The following MAGI2 variants were observed in gnomAD, a reference collection of about 807,000 sequenced individuals.
The protein encoded by MAGI2 is membrane-associated guanylate kinase, WW and PDZ domain-containing protein 2.
MAGI2 carries 35 observed loss-of-function variants against 133.3 expected under a neutral mutation model. The ratio of observed to expected loss-of-function variants is 0.26; its 90% CI spans 0.20 to 0.35. The LOEUF (loss-of-function observed/expected upper bound fraction) is 0.35. Ranked by LOEUF, MAGI2 falls within the 10% of genes least tolerant of loss-of-function variation. The pLI is 1.00. For synonymous variants in MAGI2, 729 were observed against 710.6 expected (o/e 1.03, Z -0.41); for missense variants, 1,636 against 1,863.4 (o/e 0.88, Z 2.25).
chr7:79,411,037 G>A (rs1330742026), intron 1 of MAGI2: 2 of 152,070 alleles, frequency 1.3e-5, no homozygotes, highest in Non-Finnish European at 2.9e-5. Context: ...AGCGAGGTGA[G>A]GGGAAAGTAC....
intron 3 of MAGI2, among the ~76,000 whole-genome samples, chr7:78,544,834 C>CA (rs1318976121): frequency 3.3e-5 from 5 of 150,400 alleles, no homozygotes; most frequent in Non-Finnish European, 5.9e-5. Flanking sequence ...AACTCCATCT[C>CA]AAAAAAAATA....
intron 2 of MAGI2, among the ~76,000 whole-genome samples, chr7:78,802,872 C>A (rs192150951): frequency 3.2e-4 from 49 of 151,412 alleles, no homozygotes; most frequent in African/African-American, 9.2e-4. Context: ...TATCTCCATA[C>A]CTTCTGCTCA....
At chr7:78,177,980 C>T in intron 14 of MAGI2, 31 bp downstream of exon 14, 1 of 1,487,152 alleles carries the variant, frequency 6.7e-7, no homozygotes, top group Non-Finnish European at 9.4e-7. Flanking sequence ...AATACAGCCC[C>T]AAGCATGGAA....
intron 3 of MAGI2, among the ~76,000 whole-genome samples, chr7:78,557,101 G>GA (rs1227670617): frequency 2.0e-5 from 2 of 99,396 alleles, no homozygotes; most frequent in African/African-American, 4.5e-5. Flanking sequence ...AAAAAAAAAA[G>GA]AAAAAGAAAA....
intron 6 of MAGI2, among the ~76,000 whole-genome samples, chr7:78,437,972 C>CA (rs1787212560): frequency 6.6e-6 from 1 of 151,906 alleles, no homozygotes; most frequent in Non-Finnish European, 1.5e-5. Context: ...AATAAAATGC[C>CA]AAAAATCACT....
chr7:78,182,996 G>T (rs138787447), intron 13 of MAGI2, among the ~76,000 whole-genome samples: 2 of 152,238 alleles, frequency 1.3e-5, no homozygotes, highest in East Asian at 3.9e-4. Context: ...GTTGCCTTAA[G>T]GCACTCTCTA....
rs532209475 is a variant in MAGI2, at chr7:78,194,121, T to A, written c.2269+753A>T. Reference sequence around the variant, plus strand: ...AACTCTTCTACGAGGCTGGGTTTCCTGATCATTTAATACACAGATTCTTCT... The same window carrying A: ...AACTCTTCTACGAGGCTGGGTTTCCAGATCATTTAATACACAGATTCTTCT... On this transcript the variant is annotated intron_variant, in intron 12 of 21. Transcript: ENST00000354212. 5.3e-5 allele frequency among the ~76,000 whole-genome samples: 8 copies of A among 152,366 alleles called. 1 individual carries two copies. The South Asian group carries it at 1.4e-3, about 28-fold the overall frequency.
rs1471543438 is a variant in MAGI2, at chr7:78,702,365, A to C, written c.419-75126T>G. On this transcript the variant is annotated intron_variant, in intron 2 of 21. Coordinates refer to ENST00000354212, the MANE Select transcript of MAGI2 (RefSeq NM_012301.4). ...ACTTCTAAGAGCTGTAATGTATAAA[A>C]CATTACAAGCAAGAGTAAGGATTCC... Among the ~76,000 whole-genome samples the C allele has an allele frequency of 2.0e-5, 3 of 151,990 alleles. No individual in the cohort carries two copies. In the East Asian group the frequency reaches 5.8e-4, roughly 29 times the overall value.
intron 1 of MAGI2, among the ~76,000 whole-genome samples, chr7:79,299,669 T>C (rs4730757): frequency 0.93 from 141,516 of 151,928 alleles, 66,264 homozygotes; most frequent in Non-Finnish European, 0.98. Flanking sequence ...AAAGATTCAC[T>C]AAAAAAACAC....
chr7:78,548,117 T>C (rs970835145), intron 3 of MAGI2, among the ~76,000 whole-genome samples: 20 of 152,214 alleles, frequency 1.3e-4, no homozygotes, highest in African/African-American at 4.6e-4. Context: ...CTTGACCAAC[T>C]ATCTAGTCAA....
intron 1 of MAGI2, among the ~76,000 whole-genome samples, chr7:79,397,310 C>T (rs1845133280): frequency 6.6e-6 from 1 of 151,218 alleles, no homozygotes; most frequent in Non-Finnish European, 1.5e-5. Flanking sequence ...ATTATAATAG[C>T]AACACTTTTT....
intron 2 of MAGI2, among the ~76,000 whole-genome samples, chr7:78,656,536 T>TG (rs1812298027): frequency 6.6e-6 from 1 of 151,992 alleles, no homozygotes; most frequent in South Asian, 2.1e-4. Context: ...GGCAGGGTAC[T>TG]GGGGGAAATG....
intron 2 of MAGI2, among the ~76,000 whole-genome samples, chr7:78,893,770 A>G (rs962539846): frequency 5.9e-5 from 9 of 152,144 alleles, no homozygotes; most frequent in Non-Finnish European, 1.5e-5. Context: ...AGATATACCT[A>G]ATGTTAAATG....
intron 20 of MAGI2, 102 bp from the exon 21 acceptor site, chr7:78,079,187 C>T (rs920729698): frequency 2.6e-5 from 31 of 1,172,434 alleles, no homozygotes; most frequent in Admixed American, 8.9e-5. Flanking sequence ...TGAGAGCATC[C>T]GAACAATTTG....
chr7:79,255,961 G>T (rs1212046536), intron 1 of MAGI2, among the ~76,000 whole-genome samples: 1 of 152,142 alleles, frequency 6.6e-6, no homozygotes, highest in Non-Finnish European at 1.5e-5. Flanking sequence ...AAAGCTAAAA[G>T]ATCTGAAACA....
At chr7:78,244,916 T>A (rs798351) in intron 10 of MAGI2, among the ~76,000 whole-genome samples, 81,404 of 151,566 alleles carry the variant, frequency 0.54, 21,942 homozygotes, top group Middle Eastern at 0.63. Context: ...TTCCTTAGCA[T>A]GGCAAATATT....
At chr7:78,743,899 C>T (rs190769891) in intron 2 of MAGI2, among the ~76,000 whole-genome samples, 119 of 152,264 alleles carry the variant, frequency 7.8e-4, no homozygotes, top group African/African-American at 2.7e-3. Flanking sequence ...AAAAGTCTAA[C>T]CTTCTATCTG....
At chr7:78,472,655 T>A (rs1251034727) in intron 6 of MAGI2, among the ~76,000 whole-genome samples, 1 of 152,152 alleles carries the variant, frequency 6.6e-6, no homozygotes, top group African/African-American at 2.4e-5. Context: ...GCAATATCAT[T>A]CCTCTTAAAG....
rs202224831 is a variant in MAGI2 at position 78,521,232 on chromosome 7, TC to T, written c.754+197del. Among the ~76,000 whole-genome samples, 3,014 of 152,068 alleles carry T rather than the reference TC, an allele frequency of 0.02. 91 individuals carry two copies. The highest frequency in any genetic ancestry group is 0.069 in the African/African-American group (2,870 of 41,490). ...TCAACTTCTTTAATTCCATGTCCTT[TC>T]CATTTGATATCATAATCTTCTCTCT... On this transcript the variant is annotated intron_variant, in intron 4 of 21. Coordinates refer to ENST00000354212, the MANE Select transcript of MAGI2 (RefSeq NM_012301.4).
Sources: gnomAD v4.1 joint callset for allele counts (sites outside exome capture counted in the v4.1 genomes callset) on GRCh38, gnomAD v4.1.1 for gene constraint, MANE v1.5 for transcripts, NCBI Gene and HGNC (gene_info 2026-07-23, HGNC 2026-07-21) for gene names.